Variants in P3H2 observed in about 807,000 individuals in gnomAD.
The protein encoded by P3H2 is prolyl 3-hydroxylase 2.
A neutral mutation model predicts 87.0 loss-of-function variants in P3H2; 80 were observed. That is an observed-to-expected ratio of 0.92 (90% confidence interval 0.77 to 1.11). P3H2 has a LOEUF of 1.11. Among genes scored for constraint, P3H2 ranks in the 50% least tolerant of loss-of-function variants. The pLI is 0.00. For synonymous variants in P3H2, 367 were observed against 359.3 expected, an observed-to-expected ratio of 1.02 and a Z score of -0.24; for missense variants, 1,001 against 923.9, an observed-to-expected ratio of 1.08 and a Z score of -1.08.
In P3H2 at chr3:189,964,395, A is replaced by G. The variant is rs78108999; in HGVS notation, c.1894-297T>C. Among the ~76,000 whole-genome samples, 1,393 of 152,324 alleles carry G rather than the reference A, an allele frequency of 9.1e-3. 17 individuals carry two copies. The highest frequency in any genetic ancestry group is 0.032 in the African/African-American group (1,332 of 41,564). ...TATATGATAGCCTGCAAATTCAAAG[A>G]AGGCAAAGTTTTCCTCTCATAATTC... On this transcript the variant is annotated intron_variant, in intron 13 of 14. Transcript: ENST00000319332.
chr3:190,091,305 A>T (rs941559774), intron 1 of P3H2, among the ~76,000 whole-genome samples: 5 of 152,206 alleles, frequency 3.3e-5, no homozygotes, highest in African/African-American at 1.2e-4. Context: ...AGATTGATGG[A>T]AGTGGTTCTA....
At chr3:189,991,732 C>T (rs1723883315) in intron 3 of P3H2, among the ~76,000 whole-genome samples, 1 of 152,340 alleles carries the variant, frequency 6.6e-6, no homozygotes, top group Admixed American at 6.5e-5. Flanking sequence ...TGAAAACATA[C>T]ACAAGTGCCC....
chr3:190,038,367 C>T (rs2108952469), intron 1 of P3H2, among the ~76,000 whole-genome samples: 1 of 151,864 alleles, frequency 6.6e-6, no homozygotes, highest in East Asian at 1.9e-4. Flanking sequence ...GGCCTCTCAG[C>T]CTCCTGAGCA....
intron 1 of P3H2, among the ~76,000 whole-genome samples, chr3:190,011,948 A>T (rs1418177309): frequency 6.6e-6 from 1 of 152,230 alleles, no homozygotes; most frequent in Non-Finnish European, 1.5e-5. Flanking sequence ...AGACTTAATA[A>T]TTGACTACTT....
intron 5 of P3H2, 125 bp downstream of exon 5, chr3:189,987,402 C>T: frequency 9.3e-7 from 1 of 1,078,968 alleles, no homozygotes; most frequent in Non-Finnish European, 1.3e-6. Context: ...TCGCTTGAAC[C>T]CGGGAGGCGG....
intron 1 of P3H2, among the ~76,000 whole-genome samples, chr3:190,091,772 T>C (rs555258022): frequency 7.2e-5 from 11 of 152,222 alleles, no homozygotes; most frequent in Non-Finnish European, 1.0e-4. Context: ...TTTGTTTCTT[T>C]TGTTTTGTTT....
At chr3:189,988,872 C>A (rs75374438) in intron 4 of P3H2, 35 bp downstream of exon 4, 2 of 1,613,200 alleles carry the variant, frequency 1.2e-6, no homozygotes, top group East Asian at 2.2e-5. Context: ...AACCACAACC[C>A]CCCAAGAAGT....
Position 190,039,418 on chromosome 3 carries a change from A to G in P3H2, c.481-43976T>C, listed in dbSNP as rs78107204. Among the ~76,000 whole-genome samples, 43 of 152,326 alleles carry G rather than the reference A, an allele frequency of 2.8e-4. 3 individuals are homozygous for G. In the East Asian group the frequency reaches 7.7e-3, roughly 27 times the overall value. ...GCAAAATTTAATGCATCTAATTCTG[A>G]TATGATAACTTCATGAAATATAGCA... On this transcript the variant is annotated intron_variant, in intron 1 of 14. Coordinates refer to ENST00000319332, the MANE Select transcript of P3H2 (RefSeq NM_018192.4).
At chr3:190,005,228 G>T (rs1271899345) in intron 1 of P3H2, among the ~76,000 whole-genome samples, 3 of 152,170 alleles carry the variant, frequency 2.0e-5, no homozygotes, top group African/African-American at 7.2e-5. Context: ...ACATTGTTTT[G>T]TGAAATGACA....
chr3:190,035,862 T>C (rs1725402935), intron 1 of P3H2, among the ~76,000 whole-genome samples: 1 of 152,206 alleles, frequency 6.6e-6, no homozygotes. Flanking sequence ...GTGCTTCTAA[T>C]TAGCAGTAAT....
chr3:189,962,158 C>CTTT (rs1341368224), intron 14 of P3H2, among the ~76,000 whole-genome samples: 5 of 66,704 alleles, frequency 7.5e-5, no homozygotes, highest in Admixed American at 1.8e-4. Flanking sequence ...TTTTCTTCTT[C>CTTT]TTCTTTTTTT....
intron 5 of P3H2, 48 bp downstream of exon 5, chr3:189,987,479 T>TAAAC (rs1723739932): frequency 8.5e-7 from 1 of 1,182,386 alleles, no homozygotes; most frequent in Non-Finnish European, 1.1e-6. Flanking sequence ...AACTCTGTCT[T>TAAAC]AAAAAAAAAA....
At chr3:190,041,079 CA>C (rs1725607622) in intron 1 of P3H2, among the ~76,000 whole-genome samples, 1 of 40,334 alleles carries the variant, frequency 2.5e-5, no homozygotes, top group Admixed American at 3.3e-4. Context: ...CACACACACA[CA>C]CTCTCTCTCT....
Position 190,014,035 on chromosome 3 carries a change from G to A in P3H2, c.481-18593C>T, listed in dbSNP as rs527985658. Among the ~76,000 whole-genome samples the A allele has an allele frequency of 7.9e-5, 12 of 151,956 alleles. No homozygotes were observed. In the East Asian group the frequency reaches 1.7e-3, roughly 22 times the overall value. ...TACTAGCGAGAAAAAAAAATTTGGT[G>A]GCAAAATATGGACAATAAATAGTTG... is the stretch of plus-strand genomic sequence containing the variant. On this transcript the variant is annotated intron_variant, in intron 1 of 14. Transcript: ENST00000319332.
rs1336302494 is a variant in P3H2 at position 190,036,488 on chromosome 3, G to GCTTCATCCCACAGAT, written c.481-41047_481-41046insATCTGTGGGATGAAG. On this transcript the variant is annotated intron_variant, in intron 1 of 14. Transcript: ENST00000319332. ...TGGTATATCACTTTATAGTCGACATGATAATTTCATTCTTAACGTAATCTT... is the reference window on the plus strand; with the variant it reads ...TGGTATATCACTTTATAGTCGACATGCTTCATCCCACAGATATAATTTCATTCTTAACGTAATCTT... Among the ~76,000 whole-genome samples the GCTTCATCCCACAGAT allele has an allele frequency of 3.3e-5, 5 of 152,260 alleles. No homozygotes were observed. In the East Asian group the frequency reaches 9.6e-4, roughly 29 times the overall value.
Position 190,104,334 on chromosome 3 carries a change from G to A in P3H2, c.480+15918C>T, listed in dbSNP as rs551386286. Among the ~76,000 whole-genome samples, 20 of 152,180 alleles carry A rather than the reference G, an allele frequency of 1.3e-4. No homozygotes were observed. The East Asian group carries it at 3.9e-3, about 29-fold the overall frequency. ...TTCACCTTTATGTCAGCTGGTCCGA[G>A]ACAGCATGGACTTCCACCCACTCCC... On this transcript the variant is annotated intron_variant, in intron 1 of 14. Transcript: ENST00000319332.
chr3:190,049,202 C>A (rs547854055), intron 1 of P3H2, among the ~76,000 whole-genome samples: 1 of 152,066 alleles, frequency 6.6e-6, no homozygotes, highest in African/African-American at 2.4e-5. Context: ...AGATCAGGAT[C>A]GGGGAGTGTT....
intron 1 of P3H2, among the ~76,000 whole-genome samples, chr3:190,006,503 AG>A (rs1301909489): frequency 6.6e-6 from 1 of 152,252 alleles, no homozygotes; most frequent in Admixed American, 6.5e-5. Context: ...CAAGTGTCTG[AG>A]GATACAAAAT....
At chr3:189,970,913 T>C (rs2108907743) in intron 12 of P3H2, 22 bp from the exon 13 acceptor site, 1 of 1,277,416 alleles carries the variant, frequency 7.8e-7, no homozygotes, top group East Asian at 2.3e-5. Flanking sequence ...AAGAGAAAAC[T>C]ATTTGTATTA....
Sources: allele counts gnomAD v4.1 joint callset (sites outside exome capture counted in the v4.1 genomes callset), GRCh38; gene constraint gnomAD v4.1.1; transcripts MANE v1.5; gene names NCBI Gene and HGNC (gene_info 2026-07-23, HGNC 2026-07-21).